Variants in SULT4A1 observed in about 807,000 individuals in gnomAD.
The protein encoded by SULT4A1 is sulfotransferase family 4A member 1.
A neutral mutation model predicts 35.2 loss-of-function variants in SULT4A1; 11 were observed. The observed-to-expected ratio is 0.31, with a 90% confidence interval of 0.20 to 0.52. The LOEUF (loss-of-function observed/expected upper bound fraction) is 0.52, where lower values mean the gene tolerates loss of function less well. SULT4A1 is among the 20% of genes least tolerant of loss of function. SULT4A1 has a pLI of 0.97. For synonymous variants in SULT4A1, 152 were observed against 151.8 expected, an observed-to-expected ratio of 1.00 and a Z score of -0.01; for missense variants, 271 against 383.7, an observed-to-expected ratio of 0.71 and a Z score of 2.45.
chr22:43,836,195 G>GAC (rs2063371657), intron 4 of SULT4A1, among the ~76,000 whole-genome samples: 1 of 64,292 alleles, frequency 1.6e-5, no homozygotes, highest in African/African-American at 8.1e-5. Context: ...AGCGTCCTCC[G>GAC]ACTGCAGGTG....
intron 1 of SULT4A1, among the ~76,000 whole-genome samples, chr22:43,853,071 C>T (rs2049359926): frequency 6.6e-6 from 1 of 151,902 alleles, no homozygotes; most frequent in Non-Finnish European, 1.5e-5. Context: ...ACATAACACA[C>T]AGACCACACA....
chr22:43,825,859 C>A lies in SULT4A1; in HGVS notation c.*142G>T. 1.3e-6 allele frequency: 1 copy of A among 783,814 alleles called. No individual in the cohort carries two copies. The highest frequency in any genetic ancestry group is 2.0e-6 in the Non-Finnish European group (1 of 488,858). The allele number at this position is 783,814 out of a possible 1,614,324, so 48.6% of individuals were successfully genotyped here. On this transcript the variant is annotated 3_prime_UTR_variant, in exon 7 of 7. Transcript: ENST00000330884. Reference sequence around the variant, plus strand: ...CGGTTGGGAATCATCACACTCCCTCCGCTCACGCCGCTCTTCCCTTCCCCC... The same window carrying A: ...CGGTTGGGAATCATCACACTCCCTCAGCTCACGCCGCTCTTCCCTTCCCCC...
At chr22:43,831,200 G>A (rs1234868696) in intron 5 of SULT4A1, among the ~76,000 whole-genome samples, 4 of 151,450 alleles carry the variant, frequency 2.6e-5, no homozygotes, top group African/African-American at 9.7e-5. Flanking sequence ...TTCCCTTTAA[G>A]GGCTTGGAGT....
chr22:43,856,447 G>A (rs2049401660), intron 1 of SULT4A1, among the ~76,000 whole-genome samples: 1 of 152,116 alleles, frequency 6.6e-6, no homozygotes, highest in Admixed American at 6.5e-5. Flanking sequence ...AGGAGGGCAG[G>A]ATCAATGAAA....
chr22:43,841,382 T>C (rs1275175383), intron 2 of SULT4A1, among the ~76,000 whole-genome samples: 1 of 151,840 alleles, frequency 6.6e-6, no homozygotes. Context: ...GGGGTGGGGG[T>C]GCCTGTGGGT....
intron 5 of SULT4A1, among the ~76,000 whole-genome samples, chr22:43,833,009 T>C (rs1385156766): frequency 1.3e-5 from 2 of 152,092 alleles, no homozygotes; most frequent in African/African-American, 2.4e-5. Context: ...CAGCTGGCAC[T>C]CAGGCCTCTG....
chr22:43,846,677 C>T (rs1338475471), intron 1 of SULT4A1, among the ~76,000 whole-genome samples: 1 of 152,222 alleles, frequency 6.6e-6, no homozygotes, highest in Non-Finnish European at 1.5e-5. Flanking sequence ...TAGGAAGTAC[C>T]ACCATCCTCA....
intron 1 of SULT4A1, among the ~76,000 whole-genome samples, chr22:43,851,329 T>G (rs1157418924): frequency 6.6e-6 from 1 of 152,078 alleles, no homozygotes; most frequent in Non-Finnish European, 1.5e-5. Context: ...TTATTCTGGG[T>G]TTTTAGGTTT....
At chr22:43,839,582 C>T (rs934168938) in intron 3 of SULT4A1, among the ~76,000 whole-genome samples, 1 of 152,014 alleles carries the variant, frequency 6.6e-6, no homozygotes, top group Non-Finnish European at 1.5e-5. Flanking sequence ...ACTAAGACTC[C>T]GTCTCAAAAA....
At chr22:43,827,080 G>A (rs1023780199) in intron 6 of SULT4A1, 2 of 985,336 alleles carry the variant, frequency 2.0e-6, no homozygotes, top group African/African-American at 3.5e-5. Context: ...CCGTGAAGAT[G>A]TCTGGGGCGG....
Position 43,848,149 on chromosome 22 carries a change from C to T in SULT4A1, c.170-6217G>A, listed in dbSNP as rs116027167. On this transcript the variant is annotated intron_variant, in intron 1 of 6. Coordinates refer to ENST00000330884, the MANE Select transcript of SULT4A1 (RefSeq NM_014351.4). The stretch of plus-strand genomic sequence containing the variant: ...ACTATGTGCCAGGCTCCAGGCTGGC[C>T]CAGGAGTCCCAGGAATGACACCATC... Among the ~76,000 whole-genome samples, 141 of 152,252 alleles carry T rather than the reference C, an allele frequency of 9.3e-4. 1 individual carries two copies. Among genetic ancestry groups the T allele is most frequent in the African/African-American group, 3.0e-3 (126 of 41,540 alleles).
At chr22:43,836,437 A>G (rs1346375451) in intron 4 of SULT4A1, among the ~76,000 whole-genome samples, 1 of 144,780 alleles carries the variant, frequency 6.9e-6, no homozygotes, top group Non-Finnish European at 1.5e-5. Flanking sequence ...CTGTCTACAC[A>G]GCGTCCTCAC....
At chr22:43,827,782 C>CACACACAT (rs57934792) in intron 6 of SULT4A1, 9 of 436,932 alleles carry the variant, frequency 2.1e-5, no homozygotes, top group African/African-American at 1.3e-4. Context: ...CACACACACA[C>CACACACAT]GTGAACCAAA....
chr22:43,827,372 G>C, intron 6 of SULT4A1: 1 of 1,141,222 alleles, frequency 8.8e-7, no homozygotes, highest in Non-Finnish European at 1.1e-6. Context: ...GTGTTGGAGA[G>C]AAAAACAAGA....
In SULT4A1 at chr22:43,834,411, C is replaced by G. The variant is rs192536548; in HGVS notation, c.509-677G>C. Among the ~76,000 whole-genome samples, 29 of 48,238 alleles carry G rather than the reference C, an allele frequency of 6.0e-4. 1 individual carries two copies. Among genetic ancestry groups the G allele is most frequent in the African/African-American group, 2.3e-3 (28 of 12,272 alleles). 31.6% of individuals were successfully genotyped at this position (48,238 alleles called of 152,430 possible). On this transcript the variant is annotated intron_variant, in intron 4 of 6. Coordinates refer to ENST00000330884, the MANE Select transcript of SULT4A1 (RefSeq NM_014351.4). Reference sequence around the variant, plus strand: ...GCCCCCACCGCTGCCCTGAGCTTCCCGCAGCCACACCGCGGCCCTGTGCTT... The same window carrying G: ...GCCCCCACCGCTGCCCTGAGCTTCCGGCAGCCACACCGCGGCCCTGTGCTT...
chr22:43,854,323 C>T (rs2049377534), intron 1 of SULT4A1, among the ~76,000 whole-genome samples: 1 of 152,200 alleles, frequency 6.6e-6, no homozygotes, highest in African/African-American at 2.4e-5. Flanking sequence ...GCCATTGGCC[C>T]AGGCTAGGCT....
At chr22:43,839,330 G>A (rs1325853693) in intron 3 of SULT4A1, among the ~76,000 whole-genome samples, 3 of 152,144 alleles carry the variant, frequency 2.0e-5, no homozygotes, top group Non-Finnish European at 4.4e-5. Context: ...GCGGTGGCTC[G>A]CATCTGTAAT....
At chr22:43,829,330 A>G (rs2063309546) in intron 5 of SULT4A1, 132 bp from the exon 6 acceptor site, 10 of 1,033,672 alleles carry the variant, frequency 9.7e-6, no homozygotes, top group Non-Finnish European at 1.2e-5. Flanking sequence ...CAAGGCTGAC[A>G]TCAGCCTTGT....
At chr22:43,849,689 CCATCTT>C (rs2063498592) in intron 1 of SULT4A1, among the ~76,000 whole-genome samples, 1 of 152,172 alleles carries the variant, frequency 6.6e-6, no homozygotes, top group South Asian at 2.1e-4. Flanking sequence ...CCCACATTTA[CCATCTT>C]CAATTCGTTC....
Sources: allele counts gnomAD v4.1 joint callset (sites outside exome capture counted in the v4.1 genomes callset), GRCh38; gene constraint gnomAD v4.1.1; transcripts MANE v1.5; gene names NCBI Gene and HGNC (gene_info 2026-07-23, HGNC 2026-07-21).